SPOCK3: variants seen among roughly 807,000 people sequenced by gnomAD.
The protein encoded by SPOCK3 is SPARC (osteonectin), cwcv and kazal like domains proteoglycan 3.
Under a neutral mutation model 56.6 loss-of-function variants are expected in SPOCK3, and 30 were observed. That is an observed-to-expected ratio of 0.53 (90% CI 0.40 to 0.72). SPOCK3 has a LOEUF of 0.72. Ranked by LOEUF, SPOCK3 falls within the 30% of genes least tolerant of loss-of-function variation. The pLI is 0.00. For missense variants in SPOCK3, 527 were observed against 530.0 expected, an observed-to-expected ratio of 0.99 and a Z score of 0.06; for synonymous variants, 196 against 183.3, an observed-to-expected ratio of 1.07 and a Z score of -0.56.
chr4:167,112,848 T>A lies in SPOCK3; in HGVS notation c.190-50311A>T, dbSNP rs923408332. On this transcript the variant is annotated intron_variant, in intron 2 of 10. Coordinates refer to ENST00000357545, the MANE Select transcript of SPOCK3 (RefSeq NM_001040159.2). ...GACTCTGTTCAAAAGTGCTCTTTTT[T>A]AAAAAAAAAAATCATATATATTAGA... Among the ~76,000 whole-genome samples, 598 of 149,590 alleles carry A rather than the reference T, an allele frequency of 4.0e-3. 4 individuals carry two copies. The highest frequency in any genetic ancestry group is 3.4e-3 in the African/African-American group (139 of 40,568).
At chr4:166,788,996 A>AT (rs1741043543) in intron 7 of SPOCK3, among the ~76,000 whole-genome samples, 2 of 152,088 alleles carry the variant, frequency 1.3e-5, no homozygotes, top group South Asian at 2.1e-4. Flanking sequence ...ATGTTATTGG[A>AT]TTTTTTGTCT....
chr4:167,211,661 C>T (rs1734890581), intron 2 of SPOCK3, among the ~76,000 whole-genome samples: 1 of 152,198 alleles, frequency 6.6e-6, no homozygotes, highest in Non-Finnish European at 1.5e-5. Flanking sequence ...CCATGTGAGA[C>T]ATGCCTTTCA....
At chr4:166,856,059 A>AG (rs1730620422) in intron 6 of SPOCK3, among the ~76,000 whole-genome samples, 2 of 152,194 alleles carry the variant, frequency 1.3e-5, no homozygotes, top group African/African-American at 4.8e-5. Context: ...TATGGCAGAC[A>AG]GAAAGAAAGA....
At chr4:167,030,044 G>A (rs1026869068) in intron 3 of SPOCK3, among the ~76,000 whole-genome samples, 9 of 151,368 alleles carry the variant, frequency 5.9e-5, no homozygotes, top group South Asian at 2.1e-4. Context: ...TATTCATAAA[G>A]ATTTCTATTT....
intron 2 of SPOCK3, among the ~76,000 whole-genome samples, chr4:167,164,916 T>C (rs1468179924): frequency 6.6e-6 from 1 of 152,124 alleles, no homozygotes; most frequent in Non-Finnish European, 1.5e-5. Flanking sequence ...GCATGTGTCT[T>C]TATAGTAGAA....
chr4:167,031,862 A>C (rs1701517314), intron 3 of SPOCK3, among the ~76,000 whole-genome samples: 1 of 152,044 alleles, frequency 6.6e-6, no homozygotes, highest in African/African-American at 2.4e-5. Flanking sequence ...AAATGCTGCC[A>C]TTCAAATTCA....
chr4:167,101,050 G>A (rs1337540713), intron 2 of SPOCK3, among the ~76,000 whole-genome samples: 3 of 152,010 alleles, frequency 2.0e-5, no homozygotes, highest in African/African-American at 4.8e-5. Context: ...CTTTAGTCTC[G>A]ACATTCTCAT....
At chr4:167,094,612 A>C (rs1758988137) in intron 2 of SPOCK3, among the ~76,000 whole-genome samples, 1 of 152,124 alleles carries the variant, frequency 6.6e-6, no homozygotes, top group Non-Finnish European at 1.5e-5. Flanking sequence ...CAAACTAGGA[A>C]TAGAAGTCAA....
chr4:167,187,170 A>G (rs1289453785), intron 2 of SPOCK3, among the ~76,000 whole-genome samples: 2 of 151,982 alleles, frequency 1.3e-5, no homozygotes, highest in Non-Finnish European at 2.9e-5. Flanking sequence ...GTGACCTTAC[A>G]ATTCTTTCAG....
chr4:167,057,502 AAG>A (rs1271102645), intron 3 of SPOCK3, among the ~76,000 whole-genome samples: 2 of 152,022 alleles, frequency 1.3e-5, no homozygotes, highest in Non-Finnish European at 2.9e-5. Flanking sequence ...AAATTGGATA[AAG>A]AGTCAAGACC....
At chr4:167,176,602 A>C (rs1248572035) in intron 2 of SPOCK3, among the ~76,000 whole-genome samples, 1 of 152,138 alleles carries the variant, frequency 6.6e-6, no homozygotes, top group African/African-American at 2.4e-5. Flanking sequence ...TTGCATAAAG[A>C]CAAGTGCTTC....
chr4:167,140,594 C>G (rs1489214323), intron 2 of SPOCK3, among the ~76,000 whole-genome samples: 1 of 152,000 alleles, frequency 6.6e-6, no homozygotes, highest in Admixed American at 6.6e-5. Context: ...GGAGAAAAGA[C>G]TAAAAGTTGT....
chr4:166,796,855 T>C (rs1741993618), intron 6 of SPOCK3, among the ~76,000 whole-genome samples: 1 of 152,216 alleles, frequency 6.6e-6, no homozygotes, highest in Admixed American at 6.5e-5. Flanking sequence ...AGTTAAAATC[T>C]GGCAGAATAC....
chr4:166,851,229 G>T (rs538660505), intron 6 of SPOCK3, among the ~76,000 whole-genome samples: 5 of 152,236 alleles, frequency 3.3e-5, no homozygotes, highest in Middle Eastern at 3.4e-3. Flanking sequence ...ACACGGCCGG[G>T]TACTCCAACA....
At chr4:167,180,051 T>C (rs941330045) in intron 2 of SPOCK3, among the ~76,000 whole-genome samples, 2 of 152,074 alleles carry the variant, frequency 1.3e-5, no homozygotes, top group Non-Finnish European at 2.9e-5. Flanking sequence ...GAAAGGGGTG[T>C]AGTTTACAAG....
chr4:166,741,855 G>T, intron 9 of SPOCK3, 142 bp downstream of exon 9: 1 of 627,666 alleles, frequency 1.6e-6, no homozygotes, highest in Non-Finnish European at 2.8e-6. Flanking sequence ...TAAGTTTAAT[G>T]GCTTTCAAAA....
chr4:167,023,340 G>C (rs188976118), intron 3 of SPOCK3, among the ~76,000 whole-genome samples: 32 of 152,026 alleles, frequency 2.1e-4, no homozygotes, highest in Admixed American at 1.4e-3. Context: ...TCACCTGGGT[G>C]CATTCTAGTA....
chr4:167,202,802 C>A (rs1235432883), intron 2 of SPOCK3, among the ~76,000 whole-genome samples: 1 of 150,546 alleles, frequency 6.6e-6, no homozygotes, highest in African/African-American at 2.4e-5. Context: ...CCTATTCATG[C>A]ATTCTTAGCT....
intron 4 of SPOCK3, among the ~76,000 whole-genome samples, chr4:166,955,527 T>G (rs941309779): frequency 9.5e-6 from 1 of 105,452 alleles, no homozygotes; most frequent in East Asian, 2.2e-4. Flanking sequence ...TATATTATAT[T>G]ATTAAATTTA....
Sources: allele counts gnomAD v4.1 joint callset (sites outside exome capture counted in the v4.1 genomes callset), GRCh38; gene constraint gnomAD v4.1.1; transcripts MANE v1.5; gene names NCBI Gene and HGNC (gene_info 2026-07-23, HGNC 2026-07-21).